The following SEC24A variants were observed in gnomAD, a reference collection of about 807,000 sequenced individuals.
SEC24A encodes protein transport protein Sec24A.
In SEC24A, 93 loss-of-function variants were observed where a neutral mutation model predicts 129.4. The ratio of observed to expected loss-of-function variants is 0.72; its 90% CI spans 0.61 to 0.85. The LOEUF is 0.85. SEC24A is among the 40% of genes least tolerant of loss of function. SEC24A has a pLI of 0.00. For missense variants in SEC24A, 1,264 were observed against 1,307.4 expected, an observed-to-expected ratio of 0.97 and a Z score of 0.51; for synonymous variants, 460 against 467.3, an observed-to-expected ratio of 0.98 and a Z score of 0.20.
intron 21 of SEC24A, among the ~76,000 whole-genome samples, chr5:134,723,018 T>G (rs1468976289): frequency 6.6e-6 from 1 of 151,994 alleles, no homozygotes; most frequent in Non-Finnish European, 1.5e-5. Context: ...ACCTGGCAGG[T>G]GGCACACGCC....
At chr5:134,691,170 CTT>C (rs59710898) in intron 11 of SEC24A, among the ~76,000 whole-genome samples, 40 of 117,842 alleles carry the variant, frequency 3.4e-4, no homozygotes, top group Middle Eastern at 6.3e-3. Context: ...TAGTCCCATT[CTT>C]TTTTTTTTTT....
At chr5:134,720,048 G>T (rs1003247775) in intron 20 of SEC24A, among the ~76,000 whole-genome samples, 1 of 152,146 alleles carries the variant, frequency 6.6e-6, no homozygotes, top group Non-Finnish European at 1.5e-5. Context: ...ATTGAAGAAA[G>T]AAATTTTTTT....
intron 16 of SEC24A, 65 bp from the exon 17 acceptor site, chr5:134,705,262 A>G: frequency 7.9e-7 from 1 of 1,267,320 alleles, no homozygotes; most frequent in Non-Finnish European, 1.1e-6. Flanking sequence ...TTTCCAAGTG[A>G]CTTTAACATA....
rs1204663858 is a variant in SEC24A at position 134,674,659 on chromosome 5, G to A, written c.862G>A (p.Val288Ile). 6.8e-6 allele frequency: 11 copies of A among 1,613,992 alleles called. No individual in the cohort carries two copies. In the South Asian group the frequency reaches 9.9e-5, roughly 15 times the overall value. The change falls in exon 5 of 23, where the codon GTT (valine) becomes ATT (isoleucine). Residue 288 changes from valine (V) to isoleucine (I), a missense_variant. Val to Ile is a conservative substitution (Grantham distance 29, BLOSUM62 3). Coordinates refer to ENST00000398844, the MANE Select transcript of SEC24A (RefSeq NM_021982.3). ...CAAGAATCCCAAAATGAGCCGAAGTGTTGGATATTCATATCCCTCCTTACC... is the reference window on the plus strand; with the variant it reads ...CAAGAATCCCAAAATGAGCCGAAGTATTGGATATTCATATCCCTCCTTACC... Reference protein sequence around the residue: ...TNKNPKMSRSVGYSYPSLPPG... With the variant: ...TNKNPKMSRSIGYSYPSLPPG...
intron 19 of SEC24A, among the ~76,000 whole-genome samples, chr5:134,717,109 C>T (rs1296954257): frequency 2.0e-5 from 3 of 151,640 alleles, no homozygotes; most frequent in Non-Finnish European, 4.4e-5. Context: ...AAATTCCTAA[C>T]CTCAAGTGAT....
Position 134,708,756 on chromosome 5 carries a change from T to A in SEC24A, c.2595T>A (p.Asp865Glu). The A allele has an allele frequency of 6.2e-7, 1 of 1,614,190 alleles. No individual in the cohort carries two copies. Among genetic ancestry groups the A allele is most frequent in the Non-Finnish European group, 8.5e-7 (1 of 1,180,032 alleles). ...SMTASLSDAR[D>E]ALVNAVIDSL... ...CTGCCAGTCTGAGTGACGCTCGGGA[T>A]GCTCTAGTGAATGCAGTCATTGACT... Residue 865 changes from aspartate to glutamate, a missense_variant, in exon 18 of 23, where the codon GAT (aspartate) becomes GAA (glutamate). Transcript: ENST00000398844.
At chr5:134,689,553 G>C (rs750949659) in intron 11 of SEC24A, among the ~76,000 whole-genome samples, 11 of 152,158 alleles carry the variant, frequency 7.2e-5, no homozygotes, top group Non-Finnish European at 1.6e-4. Context: ...ACGAGGTCAA[G>C]AGATCAAGAC....
intron 4 of SEC24A, among the ~76,000 whole-genome samples, chr5:134,672,385 A>T (rs1750896771): frequency 6.6e-6 from 1 of 152,140 alleles, no homozygotes; most frequent in African/African-American, 2.4e-5. Flanking sequence ...ACAGGGTTTC[A>T]CCATGTTGGC....
In SEC24A at chr5:134,705,321, C is replaced by T. The variant is rs772876547; in HGVS notation, c.2441-6C>T. 1 of 1,606,636 alleles carries T rather than the reference C, an allele frequency of 6.2e-7. No individual in the cohort carries two copies. The highest frequency in any genetic ancestry group is 8.5e-7 in the Non-Finnish European group (1 of 1,174,076). The stretch of plus-strand genomic sequence containing the variant: ...CCTCACTGTTGTTTGTGTATTTTCC[C>T]CAAAGGCGAAAGAAGAATTCGTGTT... On this transcript the variant is annotated splice_region_variant and splice_polypyrimidine_tract_variant and intron_variant, in intron 16 of 22. Transcript: ENST00000398844.
chr5:134,671,601 C>G (rs1750865057), intron 3 of SEC24A, among the ~76,000 whole-genome samples: 1 of 152,158 alleles, frequency 6.6e-6, no homozygotes, highest in Non-Finnish European at 1.5e-5. Context: ...TTTCCAAAGA[C>G]TCATGTTTCC....
At chr5:134,663,582 C>T (rs1370613653) in intron 2 of SEC24A, among the ~76,000 whole-genome samples, 4 of 152,134 alleles carry the variant, frequency 2.6e-5, no homozygotes, top group Admixed American at 6.6e-5. Flanking sequence ...CTTTGGGAGT[C>T]CAAGGCAGGA....
At chr5:134,676,853 G>A (rs1002960772) in intron 7 of SEC24A, among the ~76,000 whole-genome samples, 4 of 152,240 alleles carry the variant, frequency 2.6e-5, no homozygotes, top group Admixed American at 2.0e-4. Flanking sequence ...GTCGATGATT[G>A]ACAGATTACT....
At chr5:134,703,490 C>G (rs900187635) in intron 15 of SEC24A, among the ~76,000 whole-genome samples, 1 of 152,114 alleles carries the variant, frequency 6.6e-6, no homozygotes, top group Non-Finnish European at 1.5e-5. Flanking sequence ...AGGCTGATCT[C>G]AAACTGACCT....
intron 1 of SEC24A, among the ~76,000 whole-genome samples, chr5:134,657,472 C>A (rs1268732577): frequency 1.3e-5 from 2 of 152,086 alleles, no homozygotes; most frequent in East Asian, 1.9e-4. Flanking sequence ...ATATTCAATT[C>A]CACATAAAAT....
chr5:134,658,821 G>T (rs1284455842), intron 1 of SEC24A, among the ~76,000 whole-genome samples: 1 of 152,058 alleles, frequency 6.6e-6, no homozygotes, highest in African/African-American at 2.4e-5. Context: ...GTTTTGTGAT[G>T]ATATCTGTTT....
At position 134,708,729 on chromosome 5, in the gene SEC24A, G is replaced by T; in HGVS notation, c.2568G>T (p.Met856Ile). The T allele has an allele frequency of 6.2e-7, 1 of 1,612,996 alleles. No individual in the cohort carries two copies. Among genetic ancestry groups the T allele is most frequent in the South Asian group, 1.1e-5 (1 of 90,850 alleles). Residue 856 changes from methionine to isoleucine, a missense_variant, in exon 18 of 23, where the codon ATG becomes ATT. Transcript: ENST00000398844. ...LLANMAVDRS[M>I]TASLSDARDA... ...CTTGCTTAGCTGTTGACAGATCTATGACTGCCAGTCTGAGTGACGCTCGGG... is the reference window on the plus strand; with the variant it reads ...CTTGCTTAGCTGTTGACAGATCTATTACTGCCAGTCTGAGTGACGCTCGGG...
chr5:134,682,255 G>C, intron 8 of SEC24A, 118 bp from the exon 9 acceptor site: 1 of 517,154 alleles, frequency 1.9e-6, no homozygotes, highest in Non-Finnish European at 3.4e-6. Flanking sequence ...AAAAAAAAAA[G>C]AAAATAATTG....
At chr5:134,679,061 A>G (rs917792486) in intron 7 of SEC24A, among the ~76,000 whole-genome samples, 1 of 151,802 alleles carries the variant, frequency 6.6e-6, no homozygotes, top group Non-Finnish European at 1.5e-5. Flanking sequence ...TTTAATGAGG[A>G]AAAAAATGGT....
rs1228213904 is a variant in SEC24A at position 134,679,659 on chromosome 5, A to G, written c.1312A>G (p.Ile438Val). The G allele has an allele frequency of 6.2e-7, 1 of 1,603,606 alleles. No individual in the cohort carries two copies. Among genetic ancestry groups the G allele is most frequent in the Admixed American group, 1.7e-5 (1 of 59,724 alleles). ...GAGATGCCGTTCATGCAGGACGTAC[A>G]TCAATCCTTTCGTCAGCTTTCTTGA... ...IVRCRSCRTY[I>V]NPFVSFLDQR... is the part of the protein sequence containing the mutation. The change falls in exon 8 of 23, where the codon ATC (isoleucine) becomes GTC (valine). Residue 438 changes from isoleucine to valine, a missense_variant. Ile to Val is a conservative substitution (Grantham distance 29). Coordinates refer to ENST00000398844, the MANE Select transcript of SEC24A (RefSeq NM_021982.3).
Sources: allele counts gnomAD v4.1 joint callset (sites outside exome capture counted in the v4.1 genomes callset), GRCh38; gene constraint gnomAD v4.1.1; transcripts MANE v1.5; gene names NCBI Gene and HGNC (gene_info 2026-07-23, HGNC 2026-07-21).